Variants in ABLIM1 observed in about 807,000 individuals in gnomAD.
The protein encoded by ABLIM1 is actin binding LIM protein 1, also known as actin-binding LIM protein 1.
A neutral mutation model predicts 107.0 loss-of-function variants in ABLIM1; 40 were observed. The observed-to-expected ratio is 0.37, with a 90% CI of 0.29 to 0.49. The LOEUF (loss-of-function observed/expected upper bound fraction) is 0.49. ABLIM1 is among the 20% of genes least tolerant of loss of function. ABLIM1 has a pLI of 0.97. For missense variants in ABLIM1, 857 were observed against 1,008.5 expected, an observed-to-expected ratio of 0.85 and a Z score of 2.04; for synonymous variants, 357 against 357.3, an observed-to-expected ratio of 1.00 and a Z score of 0.01.
intron 6 of ABLIM1, among the ~76,000 whole-genome samples, chr10:114,531,350 T>G (rs1168952370): frequency 2.6e-5 from 4 of 152,238 alleles, no homozygotes; most frequent in Non-Finnish European, 5.9e-5. Flanking sequence ...TAAGTATCAT[T>G]GCCCACATCG....
intron 1 of ABLIM1, among the ~76,000 whole-genome samples, chr10:114,633,355 C>G (rs1020903140): frequency 6.6e-6 from 1 of 152,066 alleles, no homozygotes; most frequent in Non-Finnish European, 1.5e-5. Flanking sequence ...TCATCTTGGG[C>G]AGGTCTTCAT....
intron 3 of ABLIM1, among the ~76,000 whole-genome samples, chr10:114,574,612 T>C (rs138375658): frequency 0.012 from 1,785 of 152,148 alleles, 21 homozygotes; most frequent in Non-Finnish European, 0.019. Context: ...GCTAATTTTT[T>C]TGTATTTTTA....
chr10:114,709,750 G>T (rs1416297698), intron 1 of ABLIM1, among the ~76,000 whole-genome samples: 3 of 152,266 alleles, frequency 2.0e-5, no homozygotes, highest in Non-Finnish European at 4.4e-5. Context: ...AGGTACGTCA[G>T]AACATGTTTA....
intron 6 of ABLIM1, among the ~76,000 whole-genome samples, chr10:114,494,516 CAG>C (rs1457894537): frequency 6.6e-6 from 1 of 152,130 alleles, no homozygotes; most frequent in Non-Finnish European, 1.5e-5. Flanking sequence ...GCCTGGGTGA[CAG>C]AGCAAGAGTC....
At chr10:114,800,948 G>A in the ABLIM1 span, among the ~76,000 whole-genome samples, 1 of 151,998 alleles carries the variant, frequency 6.6e-6, no homozygotes, top group Non-Finnish European at 1.5e-5. Flanking sequence ...AAAAGAAAAA[G>A]AGAATCCACA....
At chr10:114,553,233 G>A (rs769931189) in intron 4 of ABLIM1, among the ~76,000 whole-genome samples, 14 of 152,262 alleles carry the variant, frequency 9.2e-5, no homozygotes, top group East Asian at 1.9e-4. Context: ...CCCAGCCACC[G>A]CTACCTTCCC....
intron 12 of ABLIM1, among the ~76,000 whole-genome samples, chr10:114,457,132 G>GT (rs2062979849): frequency 6.6e-6 from 1 of 152,056 alleles, no homozygotes; most frequent in African/African-American, 2.4e-5. Flanking sequence ...AATACATAAT[G>GT]TTGCTAGGTA....
At chr10:114,490,398 C>G (rs2058756240) in intron 7 of ABLIM1, among the ~76,000 whole-genome samples, 1 of 152,142 alleles carries the variant, frequency 6.6e-6, no homozygotes, top group African/African-American at 2.4e-5. Flanking sequence ...CTTTAATACT[C>G]AAGAATCCTT....
intron 12 of ABLIM1, among the ~76,000 whole-genome samples, chr10:114,458,240 CTAT>C (rs2063205364): frequency 6.6e-6 from 1 of 152,032 alleles, no homozygotes; most frequent in South Asian, 2.1e-4. Flanking sequence ...TGACAAGCTA[CTAT>C]ATTTCTATTT....
intron 5 of ABLIM1, among the ~76,000 whole-genome samples, chr10:114,546,278 C>G (rs2067330361): frequency 6.6e-6 from 1 of 150,840 alleles, no homozygotes; most frequent in African/African-American, 2.4e-5. Flanking sequence ...TGAAGAGCTT[C>G]TTGCCTTTTC....
intron 8 of ABLIM1, among the ~76,000 whole-genome samples, chr10:114,486,416 A>G (rs1332449017): frequency 6.6e-6 from 1 of 152,236 alleles, no homozygotes; most frequent in Non-Finnish European, 1.5e-5. Context: ...GTTTCTGGGC[A>G]GCATCCTCAA....
At position 114,607,278 on chromosome 10, in the gene ABLIM1, T is replaced by G. The variant is rs533718057; in HGVS notation, c.245-5317A>C. ...GGTTTCACCATGTTGGCCAGGATGG[T>G]CTCCATCACCTGACCTCGTGATCCA... is the stretch of plus-strand genomic sequence containing the variant. On this transcript the variant is annotated intron_variant, in intron 1 of 22. Coordinates refer to ENST00000533213, the MANE Select transcript of ABLIM1 (RefSeq NM_002313.7). 2.0e-5 allele frequency among the ~76,000 whole-genome samples: 3 copies of G among 152,290 alleles called. No individual in the cohort carries two copies. The South Asian group carries it at 6.2e-4, about 32-fold the overall frequency.
At chr10:114,724,459 G>T (rs2081915774) in intron 1 of ABLIM1, among the ~76,000 whole-genome samples, 1 of 152,146 alleles carries the variant, frequency 6.6e-6, no homozygotes, top group Non-Finnish European at 1.5e-5. Flanking sequence ...TTCTGCCTCA[G>T]GCCATGAAAC....
Position 114,622,688 on chromosome 10 carries a change from C to T in ABLIM1, c.245-20727G>A, listed in dbSNP as rs1174628234. ...TTGAACAACACGGGTTTGAACTGCA[C>T]AGATCCCCTTGCACACAGATTTTCT... On this transcript the variant is annotated intron_variant, in intron 1 of 22. Coordinates refer to ENST00000533213, the MANE Select transcript of ABLIM1 (RefSeq NM_002313.7). Among the ~76,000 whole-genome samples the T allele has an allele frequency of 2.0e-5, 3 of 152,108 alleles. No homozygotes were observed. The East Asian group carries it at 5.8e-4, about 29-fold the overall frequency.
intron 1 of ABLIM1, among the ~76,000 whole-genome samples, chr10:114,603,150 C>T (rs1418838301): frequency 6.6e-6 from 1 of 152,116 alleles, no homozygotes; most frequent in African/African-American, 2.4e-5. Context: ...AAAGGTAAAA[C>T]CAGGTTGAGC....
intron 4 of ABLIM1, 74 bp from the exon 5 acceptor site, chr10:114,547,850 C>A: frequency 6.4e-6 from 10 of 1,560,652 alleles, no homozygotes; most frequent in South Asian, 2.3e-5. Context: ...CAATTTCAAC[C>A]CCACTGTGTG....
intron 1 of ABLIM1, among the ~76,000 whole-genome samples, chr10:114,616,807 G>A (rs978245237): frequency 2.6e-5 from 4 of 152,240 alleles, no homozygotes; most frequent in Admixed American, 2.6e-4. Flanking sequence ...TGAGCTACGT[G>A]CCAGGAGGCA....
intron 4 of ABLIM1, among the ~76,000 whole-genome samples, chr10:114,556,326 G>C (rs2068720565): frequency 6.6e-6 from 1 of 152,206 alleles, no homozygotes; most frequent in Non-Finnish European, 1.5e-5. Context: ...CCTTCAGCAT[G>C]TTAGCTCAGC....
At chr10:114,452,195 G>A (rs2062019014) in intron 13 of ABLIM1, among the ~76,000 whole-genome samples, 1 of 152,036 alleles carries the variant, frequency 6.6e-6, no homozygotes, top group Non-Finnish European at 1.5e-5. Context: ...GTGCTGATGG[G>A]ATGTTCAACA....
Sources: allele counts gnomAD v4.1 joint callset (sites outside exome capture counted in the v4.1 genomes callset), GRCh38; gene constraint gnomAD v4.1.1; transcripts MANE v1.5; gene names NCBI Gene and HGNC (gene_info 2026-07-23, HGNC 2026-07-21).